Variants in CD48 observed in about 807,000 individuals in gnomAD.
The protein encoded by CD48 is CD48 molecule, also known as CD48 antigen.
A neutral mutation model predicts 22.0 loss-of-function variants in CD48; 20 were observed. The ratio of observed to expected loss-of-function variants is 0.91; its 90% CI spans 0.64 to 1.32. The LOEUF (loss-of-function observed/expected upper bound fraction) is 1.32, where lower values mean the gene tolerates loss of function less well. CD48 is among the 40% of genes most tolerant of loss of function. The pLI is 0.00. For missense variants in CD48, 307 were observed against 286.5 expected, an observed-to-expected ratio of 1.07 and a Z score of -0.52; for synonymous variants, 110 against 110.1, an observed-to-expected ratio of 1.00 and a Z score of 0.01.
At chr1:160,693,126 A>G (rs201025575) in intron 1 of CD48, among the ~76,000 whole-genome samples, 24 of 142,962 alleles carry the variant, frequency 1.7e-4, no homozygotes, top group Middle Eastern at 3.7e-3. Flanking sequence ...ATGCAAAATG[A>G]GGCCATTGAG....
chr1:160,704,389 TG>T (rs1662727084), intron 1 of CD48, among the ~76,000 whole-genome samples: 1 of 152,170 alleles, frequency 6.6e-6, no homozygotes. Flanking sequence ...AGTACTTAGT[TG>T]GGGTTAGCGG....
intron 1 of CD48, among the ~76,000 whole-genome samples, chr1:160,700,569 C>T (rs1222138754): frequency 6.6e-6 from 1 of 152,128 alleles, no homozygotes; most frequent in East Asian, 1.9e-4. Flanking sequence ...GCTGAAATGG[C>T]TGTACTCTAG....
At chr1:160,689,490 G>C (rs552723935) in intron 1 of CD48, among the ~76,000 whole-genome samples, 1 of 152,316 alleles carries the variant, frequency 6.6e-6, no homozygotes, top group African/African-American at 2.4e-5. Flanking sequence ...GTGAGATTGA[G>C]TGCTGAAGGA....
At position 160,679,144 on chromosome 1, in the gene CD48, G is replaced by A; in HGVS notation, c.653-13C>T. On this transcript the variant is annotated splice_polypyrimidine_tract_variant and intron_variant, in intron 3 of 3. Coordinates refer to ENST00000368046, the MANE Select transcript of CD48 (RefSeq NM_001778.4). ...CCAAAGGACCGGGCTGAAAGAGCAA[G>A]AAAACCCTATATGCTTAGGTATCTT... 6.2e-7 allele frequency: 1 copy of A among 1,611,928 alleles called. No homozygotes were observed. Among genetic ancestry groups the A allele is most frequent in the South Asian group, 1.1e-5 (1 of 91,034 alleles).
At chr1:160,681,517 T>C (rs750727236) in intron 2 of CD48, 49 bp from the exon 3 acceptor site, 2 of 1,591,876 alleles carry the variant, frequency 1.3e-6, no homozygotes, top group South Asian at 1.1e-5. Flanking sequence ...GCATTCATGC[T>C]GTGAAGGTTT....
At position 160,682,026 on chromosome 1, in the gene CD48, G is replaced by A. The variant is rs542836267; in HGVS notation, c.386-558C>T. Among the ~76,000 whole-genome samples the A allele has an allele frequency of 1.4e-4, 21 of 152,258 alleles. 1 individual carries two copies. The highest frequency in any genetic ancestry group is 1.0e-3 in the Admixed American group (16 of 15,300). On this transcript the variant is annotated intron_variant, in intron 2 of 3. Coordinates refer to ENST00000368046, the MANE Select transcript of CD48 (RefSeq NM_001778.4). ...GAAGAACTTCATGTAACTTCCAGCC[G>A]CATCAATTGTGATAAACAGATTGGT... is the stretch of plus-strand genomic sequence containing the variant.
At chr1:160,681,696 G>C (rs1427645133) in intron 2 of CD48, among the ~76,000 whole-genome samples, 1 of 152,172 alleles carries the variant, frequency 6.6e-6, no homozygotes, top group Non-Finnish European at 1.5e-5. Context: ...CTGCGTCCTG[G>C]AGGGGGCGCC....
chr1:160,709,927 T>C (rs1159848602), intron 1 of CD48, among the ~76,000 whole-genome samples: 2 of 152,156 alleles, frequency 1.3e-5, no homozygotes, highest in Non-Finnish European at 2.9e-5. Context: ...ATCTGGAGCC[T>C]GAGGTTCCCA....
In CD48 at chr1:160,681,186, C is replaced by T. The variant is rs778621677; in HGVS notation, c.652+16G>A. The T allele has an allele frequency of 6.2e-6, 10 of 1,614,154 alleles. No individual in the cohort carries two copies. Among genetic ancestry groups the T allele is most frequent in the Non-Finnish European group, 8.5e-6 (10 of 1,179,996 alleles). On this transcript the variant is annotated intron_variant, in intron 3 of 3. Transcript: ENST00000368046. The stretch of plus-strand genomic sequence containing the variant: ...GTTACCCTGTGCCCCCCTCAGCTCC[C>T]AGGGATCCTTCTTACCCAGGGTACA...
intron 2 of CD48, among the ~76,000 whole-genome samples, chr1:160,682,565 A>G (rs1014395085): frequency 2.0e-5 from 3 of 151,952 alleles, no homozygotes; most frequent in African/African-American, 7.3e-5. Context: ...GCAAGTAGAC[A>G]CAAAAACACT....
chr1:160,697,373 G>A (rs200145366), intron 1 of CD48, among the ~76,000 whole-genome samples: 290 of 105,604 alleles, frequency 2.7e-3, no homozygotes, highest in Non-Finnish European at 3.8e-3. Context: ...AGAAGTATAT[G>A]TTAATGATAG....
chr1:160,685,217 G>A, intron 1 of CD48, 28 bp from the exon 2 acceptor site: 1 of 1,563,440 alleles, frequency 6.4e-7, no homozygotes, highest in Non-Finnish European at 8.7e-7. Context: ...AGTGAGACCT[G>A]CGCTAGAGGA....
chr1:160,702,448 T>C (rs1156437255), intron 1 of CD48, among the ~76,000 whole-genome samples: 2 of 152,138 alleles, frequency 1.3e-5, no homozygotes, highest in Non-Finnish European at 2.9e-5. Context: ...TCCTATTTGA[T>C]GTCGGGTCCA....
chr1:160,705,019 A>G lies in CD48; in HGVS notation c.82+6663T>C, dbSNP rs568143215. Among the ~76,000 whole-genome samples, 3 of 152,232 alleles carry G rather than the reference A, an allele frequency of 2.0e-5. No homozygotes were observed. In the South Asian group the frequency reaches 6.2e-4, roughly 32 times the overall value. ...AAGAAGAGGAAATATGTCCTATATC[A>G]CTCTGGTGTCATATGCTGCCGCACA... On this transcript the variant is annotated intron_variant, in intron 1 of 3. Coordinates refer to ENST00000368046, the MANE Select transcript of CD48 (RefSeq NM_001778.4).
At chr1:160,679,704 T>C (rs968726217) in intron 3 of CD48, among the ~76,000 whole-genome samples, 1 of 152,174 alleles carries the variant, frequency 6.6e-6, no homozygotes, top group Non-Finnish European at 1.5e-5. Context: ...TTGAGGGGGC[T>C]TTCTAGGATA....
intron 1 of CD48, among the ~76,000 whole-genome samples, chr1:160,709,515 A>G (rs1662889284): frequency 6.6e-6 from 1 of 152,206 alleles, no homozygotes; most frequent in African/African-American, 2.4e-5. Context: ...TCTCATTTCT[A>G]GTACAATACT....
chr1:160,709,992 A>G (rs1662902607), intron 1 of CD48, among the ~76,000 whole-genome samples: 1 of 152,220 alleles, frequency 6.6e-6, no homozygotes, highest in Admixed American at 6.5e-5. Context: ...AAGAAGTCAC[A>G]TAAAAACAGA....
chr1:160,707,169 ATGGGAACTATAATGAGTTCAG>A (rs1463543897), intron 1 of CD48, among the ~76,000 whole-genome samples: 2 of 152,134 alleles, frequency 1.3e-5, no homozygotes, highest in African/African-American at 4.8e-5. Context: ...ATTTTTTGAG[ATGGGAACTATAATGAGTTCAG>A]TGGGCAACAC....
chr1:160,691,740 A>G (rs1449478521), intron 1 of CD48: 1 of 351,666 alleles, frequency 2.8e-6, no homozygotes, highest in African/African-American at 2.1e-5. Context: ...GTGGAGGGGC[A>G]ACCCACCCCT....
Sources: gnomAD v4.1 joint callset for allele counts (sites outside exome capture counted in the v4.1 genomes callset) on GRCh38, gnomAD v4.1.1 for gene constraint, MANE v1.5 for transcripts, NCBI Gene and HGNC (gene_info 2026-07-23, HGNC 2026-07-21) for gene names.